Variants in RORA observed in about 807,000 individuals in gnomAD.
RORA encodes the protein nuclear receptor ROR-alpha.
In RORA, 7 loss-of-function variants were observed where a neutral mutation model predicts 69.5. That is an observed-to-expected ratio of 0.10 (90% confidence interval 0.06 to 0.19). The LOEUF (loss-of-function observed/expected upper bound fraction) is 0.19. Among genes scored for constraint, RORA ranks in the 10% least tolerant of loss-of-function variants. The probability of loss-of-function intolerance (pLI) is 1.00; values close to 1 mark genes in which losing one functional copy is unlikely to be tolerated. For missense variants in RORA, 457 were observed against 663.0 expected, an observed-to-expected ratio of 0.69 and a Z score of 3.41; for synonymous variants, 261 against 240.8, an observed-to-expected ratio of 1.08 and a Z score of -0.78.
chr15:60,652,285 G>C (rs947213364), intron 2 of RORA, among the ~76,000 whole-genome samples: 7 of 152,068 alleles, frequency 4.6e-5, no homozygotes, highest in African/African-American at 1.7e-4. Context: ...AATTATTAAA[G>C]ATAATTAAAA....
intron 1 of RORA, among the ~76,000 whole-genome samples, chr15:60,902,812 A>G (rs574876253): frequency 6.6e-6 from 1 of 151,988 alleles, no homozygotes; most frequent in South Asian, 2.1e-4. Context: ...AGCTCTCACG[A>G]GCTGACTCTA....
intron 1 of RORA, among the ~76,000 whole-genome samples, chr15:61,144,545 T>C (rs926264439): frequency 5.9e-5 from 9 of 152,152 alleles, no homozygotes; most frequent in Non-Finnish European, 1.2e-4. Flanking sequence ...GAAAAGCAAA[T>C]AATGGCTAGT....
chr15:61,223,650 C>CA (rs1257808052), intron 1 of RORA, among the ~76,000 whole-genome samples: 11 of 152,174 alleles, frequency 7.2e-5, no homozygotes, highest in Non-Finnish European at 1.3e-4. Flanking sequence ...GACCTTGTGG[C>CA]ACCATAAGAT....
At chr15:60,826,601 C>T (rs947910821) in intron 1 of RORA, among the ~76,000 whole-genome samples, 1 of 151,564 alleles carries the variant, frequency 6.6e-6, no homozygotes, top group East Asian at 1.9e-4. Flanking sequence ...GCTCCTGCTA[C>T]TAAAACTCAT....
At chr15:60,561,412 AAAT>A (rs1281799217) in intron 2 of RORA, among the ~76,000 whole-genome samples, 3 of 151,896 alleles carry the variant, frequency 2.0e-5, no homozygotes, top group Non-Finnish European at 2.9e-5. Context: ...GGAGAATGCA[AAAT>A]AATAATAAAT....
intron 2 of RORA, among the ~76,000 whole-genome samples, chr15:60,594,173 A>G (rs917322669): frequency 3.1e-4 from 47 of 152,242 alleles, no homozygotes; most frequent in South Asian, 1.4e-3. Flanking sequence ...TCAGCTGTCC[A>G]GCCATAGCAA....
chr15:60,882,882 G>A (rs2140449048), intron 1 of RORA, among the ~76,000 whole-genome samples: 1 of 152,140 alleles, frequency 6.6e-6, no homozygotes. Context: ...AAACTATATA[G>A]GGAGGCCGAA....
chr15:60,917,571 G>A (rs937443202), intron 1 of RORA, among the ~76,000 whole-genome samples: 5 of 152,164 alleles, frequency 3.3e-5, no homozygotes, highest in South Asian at 2.1e-4. Context: ...AGGCATCCAC[G>A]AGCAGCTCTA....
At chr15:60,896,622 T>A (rs1441318445) in intron 1 of RORA, among the ~76,000 whole-genome samples, 1 of 152,090 alleles carries the variant, frequency 6.6e-6, no homozygotes, top group African/African-American at 2.4e-5. Context: ...ATTTCACCAC[T>A]GCAAAATCCT....
rs141729613 is a variant in RORA at position 61,051,995 on chromosome 15, G to C, written c.166+177058C>G. ...ACCTGCTTGCTTTCTTGTGCAGCCT[G>C]GAAGTCTTATGCACACAGCACCTGC... On this transcript the variant is annotated intron_variant, in intron 1 of 10. Transcript: ENST00000335670. Among the ~76,000 whole-genome samples, 376 of 152,336 alleles carry C rather than the reference G, an allele frequency of 2.5e-3. 2 individuals are homozygous for C. Among genetic ancestry groups the C allele is most frequent in the African/African-American group, 8.5e-3 (354 of 41,578 alleles).
At chr15:61,066,731 A>G (rs943847096) in intron 1 of RORA, among the ~76,000 whole-genome samples, 2 of 151,948 alleles carry the variant, frequency 1.3e-5, no homozygotes, top group African/African-American at 4.8e-5. Context: ...CCCCGCTGGC[A>G]TGTTCCTTAA....
Position 60,997,234 on chromosome 15 carries a change from G to A in RORA, c.166+231819C>T, listed in dbSNP as rs181038703. Among the ~76,000 whole-genome samples, 609 of 152,284 alleles carry A rather than the reference G, an allele frequency of 4.0e-3. 4 individuals are homozygous for A. The highest frequency in any genetic ancestry group is 9.3e-3 in the Admixed American group (142 of 15,294). ...ATTTGCAGATTAAGTAAGAATGTTT[G>A]TGTGATTTAGGAAGAGAATGATAGC... On this transcript the variant is annotated intron_variant, in intron 1 of 10. Coordinates refer to ENST00000335670, the MANE Select transcript of RORA (RefSeq NM_134261.3).
At chr15:60,794,999 C>T (rs1567193859) in intron 1 of RORA, among the ~76,000 whole-genome samples, 1 of 152,176 alleles carries the variant, frequency 6.6e-6, no homozygotes, top group Non-Finnish European at 1.5e-5. Flanking sequence ...TAAAATGCGA[C>T]ACCCCTTCCC....
At chr15:60,617,527 A>T (rs1249622955) in intron 2 of RORA, among the ~76,000 whole-genome samples, 1 of 152,152 alleles carries the variant, frequency 6.6e-6, no homozygotes, top group Non-Finnish European at 1.5e-5. Flanking sequence ...CTGCCTGCAG[A>T]ACTGTCATTG....
chr15:60,515,973 TTATATATTTATATATATTTATA>T (rs2065873535), intron 3 of RORA, among the ~76,000 whole-genome samples: 1 of 16,768 alleles, frequency 6.0e-5, no homozygotes, highest in African/African-American at 2.1e-4. Context: ...TTATATATAT[TTATATATTTATATATATTTATA>T]TATATTTATA....
rs116454671 is a variant in RORA, at chr15:60,759,153, A to G, written c.167-80467T>C. Among the ~76,000 whole-genome samples the G allele has an allele frequency of 9.9e-3, 1,504 of 152,328 alleles. 26 individuals are homozygous for G. Among genetic ancestry groups the G allele is most frequent in the African/African-American group, 0.035 (1,458 of 41,572 alleles). ...TAACTGACGTCAAAATGGTTGATTC[A>G]GTAGCCACATGCATCTATGGCCTCA... On this transcript the variant is annotated intron_variant, in intron 1 of 10. Coordinates refer to ENST00000335670, the MANE Select transcript of RORA (RefSeq NM_134261.3).
intron 2 of RORA, among the ~76,000 whole-genome samples, chr15:60,553,817 A>G (rs2067286620): frequency 1.3e-5 from 2 of 152,100 alleles, no homozygotes; most frequent in Non-Finnish European, 2.9e-5. Flanking sequence ...TCCCACATAT[A>G]TTTACCTTCC....
intron 1 of RORA, among the ~76,000 whole-genome samples, chr15:60,725,418 A>T (rs768143232): frequency 6.0e-4 from 91 of 152,132 alleles, no homozygotes; most frequent in Non-Finnish European, 1.2e-3. Flanking sequence ...CCATGGAAAA[A>T]TTTTTTTAAT....
chr15:61,055,761 C>A (rs765989116), intron 1 of RORA, among the ~76,000 whole-genome samples: 1 of 152,198 alleles, frequency 6.6e-6, no homozygotes, highest in Non-Finnish European at 1.5e-5. Flanking sequence ...AGAATGGCAT[C>A]GCTAATGTTT....
Sources: gnomAD v4.1 joint callset for allele counts (sites outside exome capture counted in the v4.1 genomes callset) on GRCh38, gnomAD v4.1.1 for gene constraint, MANE v1.5 for transcripts, NCBI Gene and HGNC (gene_info 2026-07-23, HGNC 2026-07-21) for gene names.